ACY3: variants seen among roughly 807,000 people sequenced by gnomAD.
The protein encoded by ACY3 is aminoacylase 3, also known as N-acyl-aromatic-L-amino acid amidohydrolase (carboxylate-forming).
In ACY3, 20 loss-of-function variants were observed where a neutral mutation model predicts 24.6. The ratio of observed to expected loss-of-function variants is 0.81; its 90% CI spans 0.57 to 1.18. The LOEUF (loss-of-function observed/expected upper bound fraction) is 1.18. ACY3 is among the 50% of genes most tolerant of loss of function. ACY3 has a pLI of 0.00. For synonymous variants in ACY3, 174 were observed against 188.4 expected, an observed-to-expected ratio of 0.92 and a Z score of 0.62; for missense variants, 423 against 426.8, an observed-to-expected ratio of 0.99 and a Z score of 0.08.
At chr11:67,647,149 G>C (rs1291753972) in intron 2 of ACY3, 86 bp from the exon 3 acceptor site, 1 of 989,650 alleles carries the variant, frequency 1.0e-6, no homozygotes, top group East Asian at 2.7e-5. Flanking sequence ...GGCTCCACAG[G>C]GCAGCCACCT....
At chr11:67,643,704 C>T (rs1855452812) in intron 7 of ACY3, among the ~76,000 whole-genome samples, 1 of 149,082 alleles carries the variant, frequency 6.7e-6, no homozygotes. Context: ...AAATTTTAAG[C>T]CTGGGCACAG....
rs755591200 is a variant in ACY3 at position 67,642,967 on chromosome 11, G to A, written c.745-28C>T. 1.9e-6 allele frequency: 3 copies of A among 1,602,738 alleles called. No individual in the cohort carries two copies. The South Asian group carries it at 3.3e-5, about 18-fold the overall frequency. ...GGGAGGAGAGCCAAAGGCCAAGATT[G>A]CTGGGGCCACCTCTGCCCTGGCCCC... On this transcript the variant is annotated intron_variant, in intron 7 of 7. Coordinates refer to ENST00000255082, the MANE Select transcript of ACY3 (RefSeq NM_080658.2).
intron 1 of ACY3, among the ~76,000 whole-genome samples, chr11:67,647,907 A>C (rs150304467): frequency 1.1e-3 from 173 of 152,122 alleles, no homozygotes; most frequent in African/African-American, 3.9e-3. Context: ...GAAAGTTACT[A>C]TAGAGGTGTC....
In ACY3 at chr11:67,645,387, G is replaced by A. The variant is rs372847889; in HGVS notation, c.433-7C>T. 1.9e-6 allele frequency: 3 copies of A among 1,612,532 alleles called. No individual in the cohort carries two copies. Among genetic ancestry groups the A allele is most frequent in the African/African-American group, 2.7e-5 (2 of 75,042 alleles). On this transcript the variant is annotated splice_polypyrimidine_tract_variant and splice_region_variant and intron_variant, in intron 4 of 7. Coordinates refer to ENST00000255082, the MANE Select transcript of ACY3 (RefSeq NM_080658.2). ...ACAGCTCGGGGTACTGCAGCTGGGGGCGAGAGAGGCAGGTTAGGGGCCCAG... is the reference window on the plus strand; with the variant it reads ...ACAGCTCGGGGTACTGCAGCTGGGGACGAGAGAGGCAGGTTAGGGGCCCAG...
chr11:67,645,099 T>A lies in ACY3; in HGVS notation c.580A>T (p.Arg194Trp). Residue 194 changes from arginine to tryptophan, a missense_variant, in exon 6 of 8, where the codon AGG becomes TGG. Physicochemically the swap from Arg to Trp is moderately radical, Grantham distance 101. Transcript: ENST00000255082. ...ACTGTGGCCACCAGGGTCCTCATCCTTGAGAAAATGTCAGCCCGCAGCACA... is the reference window on the plus strand; with the variant it reads ...ACTGTGGCCACCAGGGTCCTCATCCATGAGAAAATGTCAGCCCGCAGCACA... ...QGVLRADIFS[R>W]MRTLVATVLD... 1.2e-6 allele frequency: 2 copies of A among 1,613,800 alleles called. No individual in the cohort carries two copies. The highest frequency in any genetic ancestry group is 1.7e-6 in the Non-Finnish European group (2 of 1,179,970).
At chr11:67,649,309 C>A (rs1855573757) in intron 1 of ACY3, among the ~76,000 whole-genome samples, 1 of 152,154 alleles carries the variant, frequency 6.6e-6, no homozygotes, top group South Asian at 2.1e-4. Context: ...GAAGGAAGGG[C>A]CTCCGTGGCA....
chr11:67,648,311 A>C (rs1268845407), intron 1 of ACY3, among the ~76,000 whole-genome samples: 1 of 152,032 alleles, frequency 6.6e-6, no homozygotes, highest in Non-Finnish European at 1.5e-5. Context: ...GGCGGGCTGC[A>C]GGTGGCGCAC....
intron 7 of ACY3, among the ~76,000 whole-genome samples, chr11:67,643,405 C>T (rs769965952): frequency 1.1e-4 from 17 of 152,188 alleles, no homozygotes; most frequent in South Asian, 2.1e-4. Context: ...TTTGGCTGGG[C>T]GCAGTGGCTC....
At chr11:67,649,036 G>A (rs1334114424) in intron 1 of ACY3, among the ~76,000 whole-genome samples, 2 of 152,208 alleles carry the variant, frequency 1.3e-5, no homozygotes, top group Non-Finnish European at 2.9e-5. Flanking sequence ...GCCCAGCCCT[G>A]GGGGCAGCTG....
At chr11:67,644,987 CCT>C (rs759164350) in intron 6 of ACY3, 56 bp downstream of exon 6, 24 of 1,594,800 alleles carry the variant, frequency 1.5e-5, no homozygotes, top group Non-Finnish European at 2.1e-5. Context: ...CTCCCCAACC[CCT>C]GAGCCAGACC....
At position 67,644,850 on chromosome 11, in the gene ACY3, A is replaced by G. The variant is rs772307516; in HGVS notation, c.654T>C (p.Phe218=). 3 of 1,595,844 alleles carry G rather than the reference A, an allele frequency of 1.9e-6. No individual in the cohort carries two copies. The highest frequency in any genetic ancestry group is 1.7e-6 in the Non-Finnish European group (2 of 1,170,952). Residue 218 remains phenylalanine (F), a synonymous_variant, in exon 7 of 8, where the codon TTT becomes TTC. Transcript: ENST00000255082. The part of the protein sequence containing the change: ...LFNQGTAFPA[F]EMEAYRPVGV... Reference sequence around the variant, plus strand: ...CCACGGGTCTATAGGCTTCCATCTCAAAGGCAGGAAAGGCCGTACCTGTGT... The same window carrying G: ...CCACGGGTCTATAGGCTTCCATCTCGAAGGCAGGAAAGGCCGTACCTGTGT...
intron 7 of ACY3, 56 bp from the exon 8 acceptor site, chr11:67,642,995 A>AG (rs1251500054): frequency 1.9e-6 from 3 of 1,538,480 alleles, no homozygotes; most frequent in Admixed American, 1.8e-5. Context: ...CTGGCCCCAG[A>AG]GGGGGGTGAC....
rs149232952 is a variant in ACY3, at chr11:67,644,629, G to A, written c.744+131C>T. 3.8e-4 allele frequency: 321 copies of A among 834,296 alleles called. 1 individual carries two copies. The African/African-American group carries it at 5.0e-3, about 13-fold the overall frequency. 51.7% of individuals were successfully genotyped at this position (834,296 alleles called of 1,614,324 possible). ...AGCCTCCCATCCTGCTCCTCAACCC[G>A]AGATGCTGGTGAGCTCGTGGGAGGC... On this transcript the variant is annotated intron_variant, in intron 7 of 7. Transcript: ENST00000255082.
chr11:67,645,253 G>A (rs1855490308), intron 5 of ACY3, 34 bp downstream of exon 5: 1 of 1,611,064 alleles, frequency 6.2e-7, no homozygotes, highest in African/African-American at 1.3e-5. Context: ...CAGCCCTCCT[G>A]GCCCCGCCCA....
At chr11:67,649,583 T>C (rs1855580015) in intron 1 of ACY3, among the ~76,000 whole-genome samples, 1 of 151,862 alleles carries the variant, frequency 6.6e-6, no homozygotes, top group South Asian at 2.1e-4. Flanking sequence ...TGTGTGCGTG[T>C]GCATGAGAGC....
intron 1 of ACY3, among the ~76,000 whole-genome samples, chr11:67,650,365 T>G (rs1855604849): frequency 6.6e-6 from 1 of 152,152 alleles, no homozygotes; most frequent in Admixed American, 6.5e-5. Flanking sequence ...AGACACTGCT[T>G]TGGGAGCTGT....
In ACY3 at chr11:67,645,306, A is replaced by G. The variant is rs139407748; in HGVS notation, c.507T>C (p.Ser169=). The part of the protein sequence containing the change: ...RSGEESYNLD[S]VAKNGLGLEL... ...GCCCACCCAGTCCATTTTTGGCCAC[A>G]GAGTCCAGGTTGTAGCTCTCCTCCC... Residue 169 remains serine (S), a synonymous_variant, in exon 5 of 8, where the codon TCT becomes TCC. Transcript: ENST00000255082. The G allele has an allele frequency of 2.0e-5, 33 of 1,613,526 alleles. No homozygotes were observed. Among genetic ancestry groups the G allele is most frequent in the African/African-American group, 5.3e-5 (4 of 74,888 alleles).
chr11:67,648,556 G>T (rs1316425765), intron 1 of ACY3, among the ~76,000 whole-genome samples: 1 of 152,168 alleles, frequency 6.6e-6, no homozygotes, highest in Non-Finnish European at 1.5e-5. Context: ...GATGCCAGGT[G>T]CTGGGACCCT....
rs756624265 is a variant in ACY3 at position 67,647,010 on chromosome 11, G to A, written c.34C>T (p.Arg12Cys). Residue 12 changes from arginine (R) to cysteine (C), a missense_variant, in exon 3 of 8, where the codon CGT becomes TGT. Physicochemically the swap from Arg to Cys is radical, Grantham distance 180. Transcript: ENST00000255082. ...CSLPVPREPLRRVAVTGGTHG... is the reference protein window; with the variant it reads ...CSLPVPREPLCRVAVTGGTHG... ...GTGCCCCCAGTCACAGCCACGCGACGCAGGGGCTCCCGGGGCACAGGCAGT... is the reference window on the plus strand; with the variant it reads ...GTGCCCCCAGTCACAGCCACGCGACACAGGGGCTCCCGGGGCACAGGCAGT... 17 of 1,551,974 alleles carry A rather than the reference G, an allele frequency of 1.1e-5. No homozygotes were observed. Among genetic ancestry groups the A allele is most frequent in the East Asian group, 2.4e-5 (1 of 41,524 alleles).
Sources: allele counts gnomAD v4.1 joint callset (sites outside exome capture counted in the v4.1 genomes callset), GRCh38; gene constraint gnomAD v4.1.1; transcripts MANE v1.5; gene names NCBI Gene and HGNC (gene_info 2026-07-23, HGNC 2026-07-21).